Variants in NKAIN2 observed in about 807,000 individuals in gnomAD.
NKAIN2 encodes sodium/potassium-transporting ATPase subunit beta-1-interacting protein 2.
In NKAIN2, 14 loss-of-function variants were observed where a neutral mutation model predicts 32.6. That is an observed-to-expected ratio of 0.43 (90% CI 0.28 to 0.67). NKAIN2 has a LOEUF of 0.67. NKAIN2 is among the 30% of genes least tolerant of loss of function. NKAIN2 has a pLI of 0.17. For missense variants in NKAIN2, 198 were observed against 258.3 expected, an observed-to-expected ratio of 0.77 and a Z score of 1.60; for synonymous variants, 80 against 87.2, an observed-to-expected ratio of 0.92 and a Z score of 0.46.
chr6:124,016,560 C>A (rs942535543), intron 1 of NKAIN2, among the ~76,000 whole-genome samples: 7 of 152,074 alleles, frequency 4.6e-5, no homozygotes. Flanking sequence ...AGTTTTCTCC[C>A]CTCAAGGAAT....
intron 3 of NKAIN2, among the ~76,000 whole-genome samples, chr6:124,492,208 C>T (rs990772704): frequency 1.3e-5 from 2 of 151,906 alleles, no homozygotes; most frequent in African/African-American, 4.8e-5. Context: ...TAAAGATATT[C>T]GTTTGAAGAA....
At chr6:124,577,178 C>T (rs1781364274) in intron 3 of NKAIN2, among the ~76,000 whole-genome samples, 1 of 152,164 alleles carries the variant, frequency 6.6e-6, no homozygotes, top group African/African-American at 2.4e-5. Context: ...ACCAGTCATC[C>T]TCCCTGCAGG....
At chr6:124,313,913 G>C (rs1485823756) in intron 2 of NKAIN2, among the ~76,000 whole-genome samples, 1 of 152,072 alleles carries the variant, frequency 6.6e-6, no homozygotes, top group African/African-American at 2.4e-5. Flanking sequence ...CTACAAAAAT[G>C]CCCTATTGAA....
chr6:124,606,317 A>G (rs1562280795), intron 3 of NKAIN2, among the ~76,000 whole-genome samples: 1 of 151,714 alleles, frequency 6.6e-6, no homozygotes, highest in African/African-American at 2.4e-5. Context: ...TGTCAACCAC[A>G]TTTTTTTCCC....
chr6:124,663,124 C>T (rs1397000428), intron 4 of NKAIN2, among the ~76,000 whole-genome samples: 1 of 152,114 alleles, frequency 6.6e-6, no homozygotes, highest in Non-Finnish European at 1.5e-5. Flanking sequence ...ATGATTTCAT[C>T]ATTTAAAAGT....
At chr6:124,451,588 T>G (rs1776110457) in intron 3 of NKAIN2, among the ~76,000 whole-genome samples, 1 of 152,116 alleles carries the variant, frequency 6.6e-6, no homozygotes, top group Admixed American at 6.6e-5. Flanking sequence ...GATTTATACA[T>G]TACACCTCAC....
chr6:124,487,831 T>C (rs1170426964), intron 3 of NKAIN2, among the ~76,000 whole-genome samples: 2 of 152,068 alleles, frequency 1.3e-5, no homozygotes, highest in Admixed American at 1.3e-4. Context: ...AGAGAGGAAA[T>C]TAAGACTGCT....
chr6:124,638,865 T>A (rs1084233), intron 3 of NKAIN2, among the ~76,000 whole-genome samples: 3 of 132,098 alleles, frequency 2.3e-5, no homozygotes, highest in African/African-American at 8.8e-5. Context: ...CACTCCAGCC[T>A]GGGGGCAGAG....
At chr6:124,685,333 A>C (rs1264538303) in intron 4 of NKAIN2, among the ~76,000 whole-genome samples, 3 of 152,198 alleles carry the variant, frequency 2.0e-5, no homozygotes, top group Non-Finnish European at 4.4e-5. Flanking sequence ...AATAATTAGT[A>C]GTGAAGGATG....
intron 3 of NKAIN2, among the ~76,000 whole-genome samples, chr6:124,541,274 A>G (rs1779900860): frequency 6.6e-6 from 1 of 152,184 alleles, no homozygotes; most frequent in Non-Finnish European, 1.5e-5. Flanking sequence ...TCTCTATATT[A>G]TTGAAGTTAA....
rs1035675919 is a variant in NKAIN2, at chr6:123,831,483, T to C, written c.54+27229T>C. Reference sequence around the variant, plus strand: ...TTTTTTTTTAAGATAGCCACACTGGTTTTTTTGTGTTGTTGTTGTTAATTT... The same window carrying C: ...TTTTTTTTTAAGATAGCCACACTGGCTTTTTTGTGTTGTTGTTGTTAATTT... On this transcript the variant is annotated intron_variant, in intron 1 of 6. Transcript: ENST00000368417. Among the ~76,000 whole-genome samples, 3 of 150,618 alleles carry C rather than the reference T, an allele frequency of 2.0e-5. No individual in the cohort carries two copies. In the East Asian group the frequency reaches 5.9e-4, roughly 29 times the overall value.
At chr6:124,095,853 A>G (rs1169241006) in intron 1 of NKAIN2, among the ~76,000 whole-genome samples, 1 of 152,186 alleles carries the variant, frequency 6.6e-6, no homozygotes, top group African/African-American at 2.4e-5. Context: ...CTGTTATAAC[A>G]GCTGGGCTAA....
At chr6:124,541,568 A>C (rs1779913669) in intron 3 of NKAIN2, among the ~76,000 whole-genome samples, 1 of 152,180 alleles carries the variant, frequency 6.6e-6, no homozygotes, top group African/African-American at 2.4e-5. Flanking sequence ...TTGGTGTTAG[A>C]GCATTGGCAA....
chr6:124,646,377 T>C lies in NKAIN2; in HGVS notation c.274-11809T>C, dbSNP rs190222383. On this transcript the variant is annotated intron_variant, in intron 3 of 6. Coordinates refer to ENST00000368417, the MANE Select transcript of NKAIN2 (RefSeq NM_001040214.3). The stretch of plus-strand genomic sequence containing the variant: ...AGAGAGTAAAGAGAAATGAGAAATA[T>C]GAACAGTGGGAAAGAAAAGATAAGA... 2.1e-3 allele frequency among the ~76,000 whole-genome samples: 315 copies of C among 152,004 alleles called. 2 individuals are homozygous for C. The highest frequency in any genetic ancestry group is 7.3e-3 in the African/African-American group (303 of 41,454).
chr6:124,411,123 G>A (rs1774153901), intron 3 of NKAIN2, among the ~76,000 whole-genome samples: 1 of 152,082 alleles, frequency 6.6e-6, no homozygotes, highest in East Asian at 1.9e-4. Context: ...GATGGGTCTT[G>A]ACTCTTTATC....
At chr6:124,736,760 A>G (rs992704219) in intron 4 of NKAIN2, among the ~76,000 whole-genome samples, 15 of 151,930 alleles carry the variant, frequency 9.9e-5, no homozygotes, top group Non-Finnish European at 1.6e-4. Flanking sequence ...GATTCCTTTC[A>G]AAATATTTCT....
intron 3 of NKAIN2, among the ~76,000 whole-genome samples, chr6:124,413,007 G>C (rs906693880): frequency 6.6e-6 from 1 of 152,172 alleles, no homozygotes; most frequent in East Asian, 1.9e-4. Flanking sequence ...TGTGCCGTTT[G>C]TTAAGCCCGT....
At position 124,791,392 on chromosome 6, in the gene NKAIN2, G is replaced by C. The variant is rs773640204; in HGVS notation, c.528G>C (p.Glu176Asp). ...CYVVKCITEEEDSFDFIGGFD... is the reference protein window; with the variant it reads ...CYVVKCITEEDDSFDFIGGFD... ...TTGTGAAATGTATAACTGAAGAAGAGGACAGCTGTAAGTATTAAAGCTCTA... is the reference window on the plus strand; with the variant it reads ...TTGTGAAATGTATAACTGAAGAAGACGACAGCTGTAAGTATTAAAGCTCTA... The change falls in exon 5 of 7, where the codon GAG becomes GAC. Residue 176 changes from glutamate to aspartate, a missense_variant. Coordinates refer to ENST00000368417, the MANE Select transcript of NKAIN2 (RefSeq NM_001040214.3). 1.9e-6 allele frequency: 3 copies of C among 1,603,552 alleles called. No individual in the cohort carries two copies. The African/African-American group carries it at 4.0e-5, about 21-fold the overall frequency.
At chr6:123,825,902 G>T (rs528443447) in intron 1 of NKAIN2, among the ~76,000 whole-genome samples, 1 of 152,090 alleles carries the variant, frequency 6.6e-6, no homozygotes, top group South Asian at 2.1e-4. Flanking sequence ...CAAATCAGTC[G>T]AAGCACTTTT....
Sources: allele counts gnomAD v4.1 joint callset (sites outside exome capture counted in the v4.1 genomes callset), GRCh38; gene constraint gnomAD v4.1.1; transcripts MANE v1.5; gene names NCBI Gene and HGNC (gene_info 2026-07-23, HGNC 2026-07-21).